NAALADL2: variants seen among roughly 807,000 people sequenced by gnomAD.
NAALADL2 encodes N-acetylated alpha-linked acidic dipeptidase like 2.
A neutral mutation model predicts 87.2 loss-of-function variants in NAALADL2; 76 were observed. The ratio of observed to expected loss-of-function variants is 0.87; its 90% CI spans 0.72 to 1.05. The LOEUF is 1.05. Ranked by LOEUF, NAALADL2 falls within the 50% of genes least tolerant of loss-of-function variation. The probability of loss-of-function intolerance (pLI) is 0.00; values close to 1 mark genes in which losing one functional copy is unlikely to be tolerated. For synonymous variants in NAALADL2, 354 were observed against 331.0 expected, an observed-to-expected ratio of 1.07 and a Z score of -0.75; for missense variants, 1,089 against 945.8, an observed-to-expected ratio of 1.15 and a Z score of -1.99.
chr3:175,073,751 G>A (rs1716075250), intron 1 of NAALADL2, among the ~76,000 whole-genome samples: 1 of 151,996 alleles, frequency 6.6e-6, no homozygotes, highest in Non-Finnish European at 1.5e-5. Context: ...GAGAAGAACG[G>A]AGTAGAAACT....
At chr3:174,840,146 A>G (rs1723853839) in intron 3 of NAALADL2, among the ~76,000 whole-genome samples, 1 of 151,558 alleles carries the variant, frequency 6.6e-6, no homozygotes, top group Admixed American at 6.6e-5. Flanking sequence ...TGTGATATAT[A>G]TATATCTAAT....
chr3:175,221,795 A>G (rs1743417510), intron 2 of NAALADL2, among the ~76,000 whole-genome samples: 1 of 107,456 alleles, frequency 9.3e-6, no homozygotes, highest in Admixed American at 9.0e-5. Context: ...ATTTTTTTGG[A>G]GATGGAGTCT....
chr3:174,987,232 A>G (rs1214167828), intron 1 of NAALADL2, among the ~76,000 whole-genome samples: 2 of 152,168 alleles, frequency 1.3e-5, no homozygotes, highest in East Asian at 3.9e-4. Flanking sequence ...GTAAATCTGC[A>G]CTTTTAGAAT....
intron 1 of NAALADL2, among the ~76,000 whole-genome samples, chr3:175,072,328 TA>T (rs376594591): frequency 6.6e-6 from 1 of 152,080 alleles, no homozygotes; most frequent in African/African-American, 2.4e-5. Context: ...CAAAAGGTTT[TA>T]TTTAGATTTA....
intron 5 of NAALADL2, among the ~76,000 whole-genome samples, chr3:175,441,349 G>A (rs1719725022): frequency 6.6e-6 from 1 of 152,108 alleles, no homozygotes; most frequent in Admixed American, 6.6e-5. Flanking sequence ...ATGTGGATAG[G>A]TTATATGAAA....
At position 174,591,187 on chromosome 3, in the gene NAALADL2, G is replaced by A. The variant is rs540429141; in HGVS notation, c.-115+40550G>A. Reference sequence around the variant, plus strand: ...TCTTGAGATGGACAAATCTCCATAAGCCTTCCAATGGTCTTCTGACAATAC... The same window carrying A: ...TCTTGAGATGGACAAATCTCCATAAACCTTCCAATGGTCTTCTGACAATAC... On this transcript the variant is annotated intron_variant, in intron 2 of 3. Transcript: ENST00000434257. Among the ~76,000 whole-genome samples the A allele has an allele frequency of 5.6e-4, 85 of 152,292 alleles. 1 individual carries two copies. Among genetic ancestry groups the A allele is most frequent in the Admixed American group, 3.2e-3 (49 of 15,290 alleles).
intron 11 of NAALADL2, among the ~76,000 whole-genome samples, chr3:175,628,173 C>G (rs1248079732): frequency 6.6e-6 from 1 of 151,682 alleles, no homozygotes; most frequent in African/African-American, 2.4e-5. Context: ...CCATTTGGTT[C>G]TTCACTTTCA....
intron 11 of NAALADL2, among the ~76,000 whole-genome samples, chr3:175,642,667 ATT>A (rs1452001556): frequency 6.6e-6 from 1 of 151,988 alleles, no homozygotes; most frequent in Non-Finnish European, 1.5e-5. Flanking sequence ...CGCCCAGCTA[ATT>A]TTGTGTATTT....
chr3:175,448,540 C>T (rs1461688696), intron 6 of NAALADL2, among the ~76,000 whole-genome samples: 1 of 152,194 alleles, frequency 6.6e-6, no homozygotes, highest in Non-Finnish European at 1.5e-5. Flanking sequence ...CCTCAAGGAG[C>T]TGACAGTCTC....
chr3:175,138,901 T>C (rs1177197198), intron 2 of NAALADL2, among the ~76,000 whole-genome samples: 1 of 124,462 alleles, frequency 8.0e-6, no homozygotes, highest in Non-Finnish European at 1.8e-5. Flanking sequence ...TATATATATA[T>C]ATATATATAT....
chr3:174,765,025 TAA>T (rs1277297069), intron 3 of NAALADL2, among the ~76,000 whole-genome samples: 2 of 151,764 alleles, frequency 1.3e-5, no homozygotes, highest in East Asian at 3.9e-4. Flanking sequence ...GTGACAGCAT[TAA>T]AATAATACAA....
chr3:174,555,989 G>GT (rs1230322871), intron 2 of NAALADL2, among the ~76,000 whole-genome samples: 1 of 136,242 alleles, frequency 7.3e-6, no homozygotes. Flanking sequence ...GTGTGTGTGT[G>GT]TGTGTGTGTG....
chr3:175,739,319 G>A (rs78639266), intron 12 of NAALADL2, among the ~76,000 whole-genome samples: 3,132 of 152,226 alleles, frequency 0.021, 105 homozygotes, highest in African/African-American at 0.071. Context: ...AGGCCAATGT[G>A]TGAGATTTAC....
At chr3:174,688,890 CA>C (rs1224207178) in intron 2 of NAALADL2, among the ~76,000 whole-genome samples, 5 of 151,268 alleles carry the variant, frequency 3.3e-5, no homozygotes, top group Non-Finnish European at 7.4e-5. Context: ...TTTGTGGGGC[CA>C]AAAAATTAAT....
intron 5 of NAALADL2, among the ~76,000 whole-genome samples, chr3:175,341,509 T>C (rs1403184012): frequency 1.3e-5 from 2 of 152,162 alleles, no homozygotes; most frequent in Non-Finnish European, 2.9e-5. Context: ...TCTGATTCTC[T>C]TGGGCATGTA....
At chr3:174,535,454 T>C (rs1721637389) in intron 1 of NAALADL2, among the ~76,000 whole-genome samples, 3 of 152,270 alleles carry the variant, frequency 2.0e-5, no homozygotes, top group Non-Finnish European at 4.4e-5. Flanking sequence ...TCTACTGTTG[T>C]TAGTAATTTT....
intron 9 of NAALADL2, among the ~76,000 whole-genome samples, chr3:175,500,476 C>G (rs998182751): frequency 1.3e-5 from 2 of 151,564 alleles, no homozygotes; most frequent in Non-Finnish European, 2.9e-5. Context: ...CAAGGAGGAT[C>G]AGAAGGTGAT....
intron 9 of NAALADL2, among the ~76,000 whole-genome samples, chr3:175,575,070 A>T (rs1442270332): frequency 6.6e-6 from 1 of 152,146 alleles, no homozygotes; most frequent in African/African-American, 2.4e-5. Flanking sequence ...TCATTTTCGT[A>T]AAGCTGCTGT....
chr3:174,444,938 A>G (rs1714931031), intron 1 of NAALADL2, among the ~76,000 whole-genome samples: 2 of 152,092 alleles, frequency 1.3e-5, no homozygotes, highest in African/African-American at 2.4e-5. Context: ...TTTTGACAAC[A>G]TTACTCATAG....
Sources: gnomAD v4.1 joint callset for allele counts (sites outside exome capture counted in the v4.1 genomes callset) on GRCh38, gnomAD v4.1.1 for gene constraint, MANE v1.5 for transcripts, NCBI Gene and HGNC (gene_info 2026-07-23, HGNC 2026-07-21) for gene names.